ZGRF1: variants seen among roughly 807,000 people sequenced by gnomAD.
ZGRF1 encodes 5'-3' DNA helicase ZGRF1.
ZGRF1 carries 196 observed loss-of-function variants against 203.5 expected under a neutral mutation model. That is an observed-to-expected ratio of 0.96 (90% CI 0.86 to 1.08). The LOEUF (loss-of-function observed/expected upper bound fraction) is 1.08, where lower values mean the gene tolerates loss of function less well. Ranked by LOEUF, ZGRF1 falls within the 50% of genes least tolerant of loss-of-function variation. The pLI is 0.00. For missense variants in ZGRF1, 2,326 were observed against 2,416.3 expected, an observed-to-expected ratio of 0.96 and a Z score of 0.78; for synonymous variants, 809 against 841.3, an observed-to-expected ratio of 0.96 and a Z score of 0.66.
At chr4:112,576,014 T>TG (rs779653312) in intron 16 of ZGRF1, among the ~76,000 whole-genome samples, 56 of 152,310 alleles carry the variant, frequency 3.7e-4, no homozygotes, top group Non-Finnish European at 6.6e-4. Flanking sequence ...GTAGCCTAAC[T>TG]GGGAGGCACC....
chr4:112,579,710 T>C (rs1479176254), intron 16 of ZGRF1, among the ~76,000 whole-genome samples: 1 of 120,408 alleles, frequency 8.3e-6, no homozygotes, highest in African/African-American at 2.9e-5. Context: ...GAATCCAACT[T>C]ACAAGGGACG....
Position 112,586,588 on chromosome 4 carries a change from A to G in ZGRF1, c.3778-5T>C. On this transcript the variant is annotated splice_polypyrimidine_tract_variant and splice_region_variant and intron_variant, in intron 12 of 27. Coordinates refer to ENST00000505019, the MANE Select transcript of ZGRF1 (RefSeq NM_018392.5). ...CAGCTCAGAGCCACTTATCTCCTGC[A>G]ATGGAATAATTCAAGTTATCATAGC... is the stretch of plus-strand genomic sequence containing the variant. 5 of 1,595,476 alleles carry G rather than the reference A, an allele frequency of 3.1e-6. No individual in the cohort carries two copies. Among genetic ancestry groups the G allele is most frequent in the Non-Finnish European group, 4.3e-6 (5 of 1,169,568 alleles).
At chr4:112,557,521 A>T (rs1391089052) in intron 20 of ZGRF1, among the ~76,000 whole-genome samples, 2 of 152,190 alleles carry the variant, frequency 1.3e-5, no homozygotes, top group Non-Finnish European at 2.9e-5. Context: ...CTTCTAGATC[A>T]GAGACAAAGG....
intron 20 of ZGRF1, among the ~76,000 whole-genome samples, chr4:112,556,597 T>C (rs957066135): frequency 2.0e-5 from 3 of 152,126 alleles, no homozygotes; most frequent in African/African-American, 7.2e-5. Context: ...GCCATGTTTG[T>C]TGGCCAGGCT....
chr4:112,565,534 G>C (rs1265674585), intron 16 of ZGRF1: 2 of 588,986 alleles, frequency 3.4e-6, no homozygotes, highest in Non-Finnish European at 3.0e-6. Flanking sequence ...CACAGCAAAA[G>C]AAACTACCAT....
chr4:112,563,896 A>G (rs1270721433), intron 16 of ZGRF1, among the ~76,000 whole-genome samples: 1 of 152,204 alleles, frequency 6.6e-6, no homozygotes, highest in African/African-American at 2.4e-5. Context: ...AACCTCTCTT[A>G]TAAGGCCACT....
chr4:112,570,223 C>T (rs1743953677), intron 16 of ZGRF1, among the ~76,000 whole-genome samples: 1 of 152,108 alleles, frequency 6.6e-6, no homozygotes, highest in Non-Finnish European at 1.5e-5. Context: ...ATGTATTTCT[C>T]TTGTACTATG....
At chr4:112,548,681 C>T (rs945741666) in intron 22 of ZGRF1, among the ~76,000 whole-genome samples, 14 of 150,474 alleles carry the variant, frequency 9.3e-5, no homozygotes, top group Non-Finnish European at 1.9e-4. Flanking sequence ...TCTAGGATGA[C>T]GCACATATTT....
chr4:112,569,520 A>G lies in ZGRF1; in HGVS notation c.4439-6246T>C, dbSNP rs139659143. Among the ~76,000 whole-genome samples the G allele has an allele frequency of 5.5e-3, 844 of 152,292 alleles. 4 individuals are homozygous for G. Among genetic ancestry groups the G allele is most frequent in the Non-Finnish European group, 9.8e-3 (666 of 68,010 alleles). On this transcript the variant is annotated intron_variant, in intron 16 of 27. Transcript: ENST00000505019. ...AGTAGCACTAGTCTAGATTTTGTCA[A>G]CTGGGGGCAGGGCGGGCAAGAGTAA... is the stretch of plus-strand genomic sequence containing the variant.
chr4:112,607,185 C>T (rs1271366411), intron 8 of ZGRF1, among the ~76,000 whole-genome samples: 3 of 151,926 alleles, frequency 2.0e-5, no homozygotes, highest in South Asian at 2.1e-4. Flanking sequence ...AGTGCAGTGG[C>T]GCAATCGTTG....
chr4:112,547,298 C>G lies in ZGRF1; in HGVS notation c.5585G>C (p.Arg1862Pro). 6.2e-7 allele frequency: 1 copy of G among 1,612,420 alleles called. No homozygotes were observed. The highest frequency in any genetic ancestry group is 2.2e-5 in the East Asian group (1 of 44,812). ...ENGLEQTLFDRLCLMGHKPIL... is the reference protein window; with the variant it reads ...ENGLEQTLFDPLCLMGHKPIL... ...AGCAGTATGTACCATTAAGCAAAGT[C>G]GATCAAAAAGAGTTTGTTCCAATCC... is the stretch of plus-strand genomic sequence containing the variant. Residue 1862 changes from arginine to proline, a missense_variant, in exon 24 of 28, where the codon CGA becomes CCA. Arg to Pro is a moderately radical substitution (Grantham distance 103). Coordinates refer to ENST00000505019, the MANE Select transcript of ZGRF1 (RefSeq NM_018392.5).
chr4:112,539,783 T>C, intron 27 of ZGRF1, 80 bp downstream of exon 27: 2 of 1,579,232 alleles, frequency 1.3e-6, no homozygotes, highest in Non-Finnish European at 1.7e-6. Flanking sequence ...GAGCTGTTCC[T>C]GCTTGAAGCA....
chr4:112,632,912 T>C (rs1170722811), intron 2 of ZGRF1, among the ~76,000 whole-genome samples: 1 of 152,232 alleles, frequency 6.6e-6, no homozygotes, highest in Non-Finnish European at 1.5e-5. Flanking sequence ...GATGATTTTG[T>C]GTAACAAATA....
chr4:112,603,617 T>A lies in ZGRF1; in HGVS notation c.2883A>T (p.Gly961=), dbSNP rs1416781141. 1.2e-6 allele frequency: 2 copies of A among 1,613,964 alleles called. No individual in the cohort carries two copies. Among genetic ancestry groups the A allele is most frequent in the Admixed American group, 1.7e-5 (1 of 60,030 alleles). ...VMVRGHSSQL[G]CSQFPDSTEY... ...CAGTGCTATCTGGAAACTGACTGCA[T>A]CCTAGCTGTGAGCTGTGTCCTCTGA... The change falls in exon 10 of 28, where the codon GGA becomes GGT. Residue 961 remains glycine, a synonymous_variant. Coordinates refer to ENST00000505019, the MANE Select transcript of ZGRF1 (RefSeq NM_018392.5).
chr4:112,559,786 A>G (rs1005344159), intron 19 of ZGRF1, among the ~76,000 whole-genome samples: 2 of 152,174 alleles, frequency 1.3e-5, no homozygotes, highest in African/African-American at 4.8e-5. Flanking sequence ...CAGCTAACAA[A>G]TGATACAGTC....
chr4:112,570,686 T>C (rs1330053770), intron 16 of ZGRF1, among the ~76,000 whole-genome samples: 3 of 151,820 alleles, frequency 2.0e-5, no homozygotes, highest in Non-Finnish European at 4.4e-5. Flanking sequence ...TAACAAAAAG[T>C]TCAACTAGAA....
rs1169417616 is a variant in ZGRF1, at chr4:112,619,705, A to C, written c.352-15T>G. 2 of 1,563,176 alleles carry C rather than the reference A, an allele frequency of 1.3e-6. No individual in the cohort carries two copies. Among genetic ancestry groups the C allele is most frequent in the East Asian group, 4.5e-5 (2 of 44,584 alleles). On this transcript the variant is annotated splice_polypyrimidine_tract_variant and intron_variant, in intron 5 of 27. Coordinates refer to ENST00000505019, the MANE Select transcript of ZGRF1 (RefSeq NM_018392.5). Reference sequence around the variant, plus strand: ...CCTTGAAAACCCTGAAAATATTAAAATAACTGTTAGGTGTACCATTACCCA... The same window carrying C: ...CCTTGAAAACCCTGAAAATATTAAACTAACTGTTAGGTGTACCATTACCCA...
rs1156375672 is a variant in ZGRF1, at chr4:112,581,708, A to C, written c.4393T>G (p.Tyr1465Asp). 1 of 1,583,564 alleles carries C rather than the reference A, an allele frequency of 6.3e-7. No individual in the cohort carries two copies. Reference protein sequence around the residue: ...EFYNEPKTKLYLKLSRKERSS... With the variant: ...EFYNEPKTKLDLKLSRKERSS... ...CTTTCCTTCCGACTTAGCTTAAGATAAAGTTTGGTTTTTGGTTCATTATAA... is the reference window on the plus strand; with the variant it reads ...CTTTCCTTCCGACTTAGCTTAAGATCAAGTTTGGTTTTTGGTTCATTATAA... Residue 1465 changes from tyrosine (Y) to aspartate (D), a missense_variant, in exon 16 of 28, where the codon TAT becomes GAT. By Grantham distance (160) the Tyr-to-Asp change is radical (BLOSUM62 -3). Transcript: ENST00000505019.
rs756714933 is a variant in ZGRF1, at chr4:112,619,037, A to G, written c.1005T>C (p.Ser335=). The change falls in exon 6 of 28, where the codon AGT becomes AGC. Residue 335 remains serine (S), a synonymous_variant. Coordinates refer to ENST00000505019, the MANE Select transcript of ZGRF1 (RefSeq NM_018392.5). Reference sequence around the variant, plus strand: ...CTACAGTAGAAGAATGTATAGGTGAACTCTGTGAGGATAAATACATGGCCC... The same window carrying G: ...CTACAGTAGAAGAATGTATAGGTGAGCTCTGTGAGGATAAATACATGGCCC... ...SRWAMYLSSQ[S]SPIHSSTVDG... is the part of the protein sequence containing the mutation. The G allele has an allele frequency of 6.2e-7, 1 of 1,613,908 alleles. No individual in the cohort carries two copies. Among genetic ancestry groups the G allele is most frequent in the South Asian group, 1.1e-5 (1 of 91,056 alleles).
Sources: allele counts gnomAD v4.1 joint callset (sites outside exome capture counted in the v4.1 genomes callset), GRCh38; gene constraint gnomAD v4.1.1; transcripts MANE v1.5; gene names NCBI Gene and HGNC (gene_info 2026-07-23, HGNC 2026-07-21).